Variants in CERKL observed in about 807,000 individuals in gnomAD.
CERKL encodes CERK like autophagy regulator, also known as ceramide kinase-like protein.
Under a neutral mutation model 63.4 loss-of-function variants are expected in CERKL, and 61 were observed. That is an observed-to-expected ratio of 0.96 (90% confidence interval 0.78 to 1.19). CERKL has a LOEUF of 1.19. Among genes scored for constraint, CERKL ranks in the 50% most tolerant of loss-of-function variants. The pLI is 0.00. For synonymous variants in CERKL, 250 were observed against 230.5 expected, an observed-to-expected ratio of 1.08 and a Z score of -0.77; for missense variants, 675 against 655.5, an observed-to-expected ratio of 1.03 and a Z score of -0.33.
chr2:181,593,287 C>G (rs767462), intron 2 of CERKL, among the ~76,000 whole-genome samples: 20,848 of 151,976 alleles, frequency 0.14, 1,640 homozygotes, highest in East Asian at 0.25. Context: ...AATAGAGGAC[C>G]CATCCATGCT....
chr2:181,582,637 G>C lies in CERKL; in HGVS notation c.482-8753C>G, dbSNP rs1482789003. 4.6e-5 allele frequency among the ~76,000 whole-genome samples: 7 copies of C among 151,732 alleles called. No individual in the cohort carries two copies. The East Asian group carries it at 1.4e-3, about 29-fold the overall frequency. On this transcript the variant is annotated intron_variant, in intron 2 of 12. Coordinates refer to ENST00000410087, the MANE Select transcript of CERKL (RefSeq NM_201548.5). ...TCCAACCTCCGCCCCCTGGGTTCAA[G>C]TGATTCTCCCGCCTCAGCCTCCCAA...
At chr2:181,561,409 C>A (rs868288360) in intron 4 of CERKL, among the ~76,000 whole-genome samples, 242 of 122,804 alleles carry the variant, frequency 2.0e-3, no homozygotes, top group South Asian at 2.0e-3. Flanking sequence ...GAATTTATCT[C>A]AAAAAAAAAA....
intron 4 of CERKL, among the ~76,000 whole-genome samples, chr2:181,563,585 CATA>C (rs1688535384): frequency 3.5e-5 from 2 of 57,020 alleles, no homozygotes; most frequent in Non-Finnish European, 6.5e-5. Context: ...ATCAAAATGC[CATA>C]GCATTTTGGG....
intron 2 of CERKL, among the ~76,000 whole-genome samples, chr2:181,597,806 A>G (rs1685282778): frequency 6.6e-6 from 1 of 152,014 alleles, no homozygotes; most frequent in Non-Finnish European, 1.5e-5. Flanking sequence ...ATACCTCATA[A>G]CCTGTTCTGA....
intron 1 of CERKL, among the ~76,000 whole-genome samples, chr2:181,609,183 G>A (rs1357365556): frequency 4.0e-5 from 6 of 151,556 alleles, no homozygotes. Context: ...GTATACATGT[G>A]CCACGCTGGT....
In CERKL at chr2:181,558,631, C is replaced by A. The variant is rs1425736542; in HGVS notation, c.755G>T (p.Gly252Val). Reference protein sequence around the residue: ...ALLLRAQKNAGMETDRILTPV... With the variant: ...ALLLRAQKNAVMETDRILTPV... ...AGTCAGGATTCGGTCTGTTTCCATC[C>A]CAGCATTCTTCTGAGCTCTCAGAAG... is the stretch of plus-strand genomic sequence containing the variant. The change falls in exon 5 of 13, where the codon GGG (glycine) becomes GTG (valine). Residue 252 changes from glycine to valine, a missense_variant. Transcript: ENST00000410087. The surrounding 1 kb of genome is among the most constrained non-coding windows in gnomAD (Gnocchi z 4.2). 6.2e-7 allele frequency: 1 copy of A among 1,613,676 alleles called. No homozygotes were observed. The highest frequency in any genetic ancestry group is 1.1e-5 in the South Asian group (1 of 91,068).
At chr2:181,564,123 C>T (rs1438194714) in intron 4 of CERKL, among the ~76,000 whole-genome samples, 16 of 152,202 alleles carry the variant, frequency 1.1e-4, no homozygotes, top group Admixed American at 9.2e-4. Flanking sequence ...CAATAGGGTT[C>T]GCACTCCTGT....
chr2:181,602,838 G>A (rs747199700), intron 2 of CERKL, among the ~76,000 whole-genome samples: 7 of 152,062 alleles, frequency 4.6e-5, no homozygotes, highest in Non-Finnish European at 7.3e-5. Flanking sequence ...TCTGACTGAT[G>A]CAGCAAACAA....
Position 181,598,449 on chromosome 2 carries a change from C to T in CERKL, c.481+5388G>A, listed in dbSNP as rs140310964. On this transcript the variant is annotated intron_variant, in intron 2 of 12. Transcript: ENST00000410087. ...CCTGCATGAGGAGCTAGTGCACCTC[C>T]CCCTATCTCCCCCCAACCAGCGACC... Among the ~76,000 whole-genome samples, 658 of 152,078 alleles carry T rather than the reference C, an allele frequency of 4.3e-3. 5 individuals carry two copies. The highest frequency in any genetic ancestry group is 0.015 in the African/African-American group (623 of 41,456).
intron 1 of CERKL, among the ~76,000 whole-genome samples, chr2:181,629,157 A>T (rs1398597092): frequency 2.0e-5 from 3 of 152,054 alleles, no homozygotes; most frequent in Non-Finnish European, 2.9e-5. Flanking sequence ...CTTTCCTATG[A>T]TTTTATATAA....
intron 3 of CERKL, among the ~76,000 whole-genome samples, chr2:181,566,701 A>G (rs78289087): frequency 0.019 from 2,867 of 152,272 alleles, 71 homozygotes; most frequent in African/African-American, 0.064. Flanking sequence ...ACCAGAGCTC[A>G]GACCCTCCGA....
At chr2:181,600,785 C>T (rs1012734762) in intron 2 of CERKL, among the ~76,000 whole-genome samples, 1 of 152,144 alleles carries the variant, frequency 6.6e-6, no homozygotes, top group Non-Finnish European at 1.5e-5. Flanking sequence ...ACTCACAGCA[C>T]CAGACAGATC....
chr2:181,548,962 G>A (rs922395016), intron 6 of CERKL, 105 bp from the exon 7 acceptor site: 48 of 981,826 alleles, frequency 4.9e-5, no homozygotes, highest in Admixed American at 9.7e-5. Flanking sequence ...ATATCTAAAG[G>A]TACTGTAGAC....
chr2:181,601,661 T>C (rs774913363), intron 2 of CERKL, among the ~76,000 whole-genome samples: 2 of 152,254 alleles, frequency 1.3e-5, no homozygotes, highest in Non-Finnish European at 2.9e-5. Flanking sequence ...CTGATGAAGA[T>C]AGCCAAGAAC....
rs77148086 is a variant in CERKL at position 181,597,281 on chromosome 2, A to G, written c.481+6556T>C. Reference sequence around the variant, plus strand: ...TCTGATAAAATTAGGAGTTTGGTTTAAAAAGATTTTCTTTTGTTAACAATC... The same window carrying G: ...TCTGATAAAATTAGGAGTTTGGTTTGAAAAGATTTTCTTTTGTTAACAATC... On this transcript the variant is annotated intron_variant, in intron 2 of 12. Coordinates refer to ENST00000410087, the MANE Select transcript of CERKL (RefSeq NM_201548.5). Among the ~76,000 whole-genome samples the G allele has an allele frequency of 8.0e-3, 1,219 of 152,320 alleles. 19 individuals carry two copies. Among genetic ancestry groups the G allele is most frequent in the African/African-American group, 0.028 (1,145 of 41,576 alleles).
intron 1 of CERKL, among the ~76,000 whole-genome samples, chr2:181,648,522 A>T (rs1687764570): frequency 6.6e-6 from 1 of 152,218 alleles, no homozygotes; most frequent in Non-Finnish European, 1.5e-5. Context: ...CTCCTACACC[A>T]GCCTTACAAG....
intron 1 of CERKL, among the ~76,000 whole-genome samples, chr2:181,607,882 T>C (rs949458138): frequency 2.0e-5 from 3 of 152,230 alleles, no homozygotes; most frequent in African/African-American, 7.2e-5. Flanking sequence ...TGAATGCATA[T>C]AGATAAGATG....
chr2:181,552,607 T>A (rs1158752389), intron 5 of CERKL, among the ~76,000 whole-genome samples: 1 of 152,176 alleles, frequency 6.6e-6, no homozygotes, highest in African/African-American at 2.4e-5. Context: ...TATTGCAGCA[T>A]GAGAACAGGC....
intron 3 of CERKL, among the ~76,000 whole-genome samples, chr2:181,571,050 GACC>G (rs1270992316): frequency 6.6e-6 from 1 of 152,036 alleles, no homozygotes; most frequent in East Asian, 1.9e-4. Context: ...ACAGTATTAT[GACC>G]ACCTTTCTGT....
Sources: allele counts gnomAD v4.1 joint callset (sites outside exome capture counted in the v4.1 genomes callset), GRCh38; gene constraint gnomAD v4.1.1; non-coding constraint Gnocchi (gnomAD v3.1); transcripts MANE v1.5; gene names NCBI Gene and HGNC (gene_info 2026-07-23, HGNC 2026-07-21).